The following KIF13B variants were observed in gnomAD, a reference collection of about 807,000 sequenced individuals.
KIF13B encodes kinesin family member 13B.
In KIF13B, 127 loss-of-function variants were observed where a neutral mutation model predicts 222.0. The observed-to-expected ratio is 0.57, with a 90% confidence interval of 0.50 to 0.66. The LOEUF is 0.66. KIF13B is among the 30% of genes least tolerant of loss of function. The pLI is 0.00. For synonymous variants in KIF13B, 976 were observed against 919.0 expected, an observed-to-expected ratio of 1.06 and a Z score of -1.12; for missense variants, 2,173 against 2,379.0, an observed-to-expected ratio of 0.91 and a Z score of 1.80.
chr8:29,118,088 G>T (rs910242450), intron 30 of KIF13B, among the ~76,000 whole-genome samples: 2 of 151,970 alleles, frequency 1.3e-5, no homozygotes, highest in Non-Finnish European at 2.9e-5. Flanking sequence ...AACCCAGGAG[G>T]CAGAGATTGC....
At chr8:29,087,125 G>T (rs1448474048) in intron 37 of KIF13B, among the ~76,000 whole-genome samples, 1 of 152,214 alleles carries the variant, frequency 6.6e-6, no homozygotes, top group African/African-American at 2.4e-5. Flanking sequence ...TGGCTGCAGG[G>T]CGACTTTATT....
At chr8:29,253,638 T>G (rs186027075) in intron 1 of KIF13B, among the ~76,000 whole-genome samples, 2 of 152,000 alleles carry the variant, frequency 1.3e-5, no homozygotes, top group Admixed American at 1.3e-4. Flanking sequence ...ATAAGGCACC[T>G]GGCCAACATG....
intron 15 of KIF13B, among the ~76,000 whole-genome samples, 158 bp from the exon 16 acceptor site, chr8:29,148,925 A>G (rs994476938): frequency 6.6e-6 from 1 of 152,228 alleles, no homozygotes; most frequent in Admixed American, 6.5e-5. Context: ...TAGAAATAAG[A>G]CACTCATGTG....
chr8:29,168,450 T>C (rs1052775479), intron 10 of KIF13B, among the ~76,000 whole-genome samples: 14 of 152,250 alleles, frequency 9.2e-5, no homozygotes, highest in African/African-American at 3.4e-4. Flanking sequence ...ACCCTAGTAC[T>C]CTCTGCTTCC....
chr8:29,197,130 A>G (rs941977276), intron 2 of KIF13B, among the ~76,000 whole-genome samples: 6 of 151,452 alleles, frequency 4.0e-5, no homozygotes, highest in Non-Finnish European at 5.9e-5. Flanking sequence ...GAGGTCAGGA[A>G]ATCGAGACCA....
At chr8:29,098,346 T>C (rs1808636076) in intron 36 of KIF13B, among the ~76,000 whole-genome samples, 1 of 151,922 alleles carries the variant, frequency 6.6e-6, no homozygotes, top group African/African-American at 2.4e-5. Context: ...CTCACGCCTG[T>C]AATCCCAGCA....
chr8:29,135,160 C>T (rs1265572517), intron 21 of KIF13B, among the ~76,000 whole-genome samples: 1 of 152,162 alleles, frequency 6.6e-6, no homozygotes, highest in Non-Finnish European at 1.5e-5. Flanking sequence ...CCTCCAGCCT[C>T]AGCCTCCCAA....
At chr8:29,117,586 C>G (rs141932358) in intron 30 of KIF13B, among the ~76,000 whole-genome samples, 8 of 152,158 alleles carry the variant, frequency 5.3e-5, no homozygotes, top group Admixed American at 3.3e-4. Flanking sequence ...CCCTGCTGAA[C>G]TGGAAGGGTG....
chr8:29,198,688 G>A (rs779873337), intron 2 of KIF13B, among the ~76,000 whole-genome samples: 6 of 152,212 alleles, frequency 3.9e-5, no homozygotes, highest in Non-Finnish European at 8.8e-5. Context: ...CTATGGGTAT[G>A]CACCCAAAGG....
chr8:29,215,717 G>A (rs1242404337), intron 2 of KIF13B, among the ~76,000 whole-genome samples: 1 of 152,104 alleles, frequency 6.6e-6, no homozygotes, highest in Non-Finnish European at 1.5e-5. Flanking sequence ...CCAAGTTTAT[G>A]GTATTTGTCA....
chr8:29,223,935 C>G (rs571461293), intron 2 of KIF13B, among the ~76,000 whole-genome samples: 9 of 151,898 alleles, frequency 5.9e-5, no homozygotes, highest in African/African-American at 2.2e-4. Context: ...TTGTGATCCG[C>G]CCGCCTCAGC....
chr8:29,165,813 G>A, intron 11 of KIF13B, 41 bp from the exon 12 acceptor site: 1 of 1,432,690 alleles, frequency 7.0e-7, no homozygotes, highest in African/African-American at 1.4e-5. Context: ...TCTAGAAGAT[G>A]CCCTGGAAAA....
In KIF13B at chr8:29,174,909, A is replaced by G. The variant is rs1003057559; in HGVS notation, c.945+1159T>C. Among the ~76,000 whole-genome samples, 6 of 152,156 alleles carry G rather than the reference A, an allele frequency of 3.9e-5. No individual in the cohort carries two copies. In the South Asian group the frequency reaches 1.2e-3, roughly 32 times the overall value. On this transcript the variant is annotated intron_variant, in intron 10 of 39. Coordinates refer to ENST00000524189, the MANE Select transcript of KIF13B (RefSeq NM_015254.4). ...GAGGAGGAAACCAGAAGAAACCCCT[A>G]CTTCATTTCACAAAGGCCTTTTTCT... is the stretch of plus-strand genomic sequence containing the variant.
chr8:29,208,651 C>T (rs1347837878), intron 2 of KIF13B, among the ~76,000 whole-genome samples: 2 of 152,208 alleles, frequency 1.3e-5, no homozygotes, highest in South Asian at 2.1e-4. Flanking sequence ...AAATAGACAA[C>T]GGGCAGACCA....
intron 31 of KIF13B, among the ~76,000 whole-genome samples, 176 bp downstream of exon 31, chr8:29,116,655 G>T (rs1315159507): frequency 1.3e-5 from 2 of 152,202 alleles, no homozygotes; most frequent in East Asian, 3.8e-4. Context: ...CCAGGAGCAA[G>T]TGACACATCT....
chr8:29,119,484 A>G (rs1361712557), intron 29 of KIF13B, among the ~76,000 whole-genome samples: 1 of 152,088 alleles, frequency 6.6e-6, no homozygotes, highest in Non-Finnish European at 1.5e-5. Flanking sequence ...CTTCACCTGG[A>G]GCTCGTGGGC....
rs539384001 is a variant in KIF13B, at chr8:29,072,973, G to A, written c.4522-657C>T. ...TAAACAATGATCTCATCGGAGGACC[G>A]GAACACACTCAGCACAGCCTGGCCA... On this transcript the variant is annotated intron_variant, in intron 38 of 39. Transcript: ENST00000524189. 7.2e-5 allele frequency among the ~76,000 whole-genome samples: 11 copies of A among 151,934 alleles called. No homozygotes were observed. In the South Asian group the frequency reaches 1.3e-3, roughly 17 times the overall value.
intron 31 of KIF13B, among the ~76,000 whole-genome samples, chr8:29,114,571 G>A (rs546260445): frequency 6.6e-6 from 1 of 152,298 alleles, no homozygotes; most frequent in Middle Eastern, 3.4e-3. Flanking sequence ...TATGGAATTA[G>A]TGAAGCTGAC....
rs991270539 is a variant in KIF13B, at chr8:29,099,160, G to A, written c.4297C>T (p.Pro1433Ser). The A allele has an allele frequency of 1.2e-6, 2 of 1,613,296 alleles. No homozygotes were observed. The highest frequency in any genetic ancestry group is 1.3e-5 in the African/African-American group (1 of 74,912). ...GGATCTGGAGAATGGTTATTTTGGG[G>A]AGAAACAGAGAGGGCGGGGGCAGGA... Reference protein sequence around the residue: ...IAPAPALSVSPQNNHSPDPGL... With the variant: ...IAPAPALSVSSQNNHSPDPGL... The change falls in exon 36 of 40, where the codon CCC becomes TCC. Residue 1433 changes from proline (P) to serine (S), a missense_variant. Pro to Ser is a moderately conservative substitution (Grantham distance 74, BLOSUM62 -1). Coordinates refer to ENST00000524189, the MANE Select transcript of KIF13B (RefSeq NM_015254.4).
Sources: gnomAD v4.1 joint callset for allele counts (sites outside exome capture counted in the v4.1 genomes callset) on GRCh38, gnomAD v4.1.1 for gene constraint, MANE v1.5 for transcripts, NCBI Gene and HGNC (gene_info 2026-07-23, HGNC 2026-07-21) for gene names.